Variants in DGAT1 observed in about 807,000 individuals in gnomAD.
The protein encoded by DGAT1 is diacylglycerol O-acyltransferase 1, also known as ACAT related gene product 1.
A neutral mutation model predicts 72.6 loss-of-function variants in DGAT1; 60 were observed. The observed-to-expected ratio is 0.83, with a 90% CI of 0.67 to 1.02. The LOEUF (loss-of-function observed/expected upper bound fraction) is 1.02, where lower values mean the gene tolerates loss of function less well. Among genes scored for constraint, DGAT1 ranks in the 50% least tolerant of loss-of-function variants. The probability of loss-of-function intolerance (pLI) is 0.00; values close to 1 mark genes in which losing one functional copy is unlikely to be tolerated. For missense variants in DGAT1, 592 were observed against 670.0 expected (o/e 0.88, Z 1.29); for synonymous variants, 290 against 267.5 (o/e 1.08, Z -0.82).
At chr8:144,321,959 A>G (rs1817472573) in intron 1 of DGAT1, among the ~76,000 whole-genome samples, 1 of 152,244 alleles carries the variant, frequency 6.6e-6, no homozygotes, top group African/African-American at 2.4e-5. Flanking sequence ...CCAGCCTGAC[A>G]TGCACTTTCC....
Position 144,318,337 on chromosome 8 carries a change from C to T in DGAT1, c.600G>A (p.Ala200=), listed in dbSNP as rs574168177. The change falls in exon 7 of 17, where the codon GCG becomes GCA. Residue 200 remains alanine (A), a synonymous_variant. Transcript: ENST00000528718. ...AGAGCTTGAGGAAGAGGATGGTGTGCGCCATCAGCGCCAGCAGGGAGCCCA... is the reference window on the plus strand; with the variant it reads ...AGAGCTTGAGGAAGAGGATGGTGTGTGCCATCAGCGCCAGCAGGGAGCCCA... ...TPVGSLLALM[A]HTILFLKLFS... 7.4e-5 allele frequency: 120 copies of T among 1,611,582 alleles called. No homozygotes were observed. Among genetic ancestry groups the T allele is most frequent in the South Asian group, 3.4e-4 (31 of 90,892 alleles).
chr8:144,318,346 C>T lies in DGAT1; in HGVS notation c.591G>A (p.Ala197=), dbSNP rs782293198. The T allele has an allele frequency of 6.2e-6, 10 of 1,611,470 alleles. No homozygotes were observed. The highest frequency in any genetic ancestry group is 1.7e-4 in the Middle Eastern group (1 of 6,056). The change falls in exon 7 of 17, where the codon GCG becomes GCA. Residue 197 remains alanine, a synonymous_variant. Transcript: ENST00000528718. ...GGAAGAGGATGGTGTGCGCCATCAG[C>T]GCCAGCAGGGAGCCCACTGCAGGAG... ...ESITPVGSLL[A]LMAHTILFLK...
At chr8:144,318,217 C>G (rs534296486) in intron 7 of DGAT1, 44 bp downstream of exon 7, 2 of 1,609,142 alleles carry the variant, frequency 1.2e-6, no homozygotes, top group African/African-American at 2.7e-5. Context: ...CCTGCTGCTG[C>G]CCAGCCCCCC....
chr8:144,325,916 C>G (rs564004658), intron 1 of DGAT1, among the ~76,000 whole-genome samples: 1 of 152,318 alleles, frequency 6.6e-6, no homozygotes, highest in South Asian at 2.1e-4. Context: ...AAGAACGCCT[C>G]TAACACTGCC....
In DGAT1 at chr8:144,315,692, G is replaced by A; in HGVS notation, c.*862C>T. On this transcript the variant is annotated 3_prime_UTR_variant, in exon 17 of 17. Coordinates refer to ENST00000528718, the MANE Select transcript of DGAT1 (RefSeq NM_012079.6). ...CTGCGCTGTCTGCACTGCCCAGCCTGGTGCCAGAAGAGCAGAGGGCAAGGC... is the reference window on the plus strand; with the variant it reads ...CTGCGCTGTCTGCACTGCCCAGCCTAGTGCCAGAAGAGCAGAGGGCAAGGC... The A allele has an allele frequency of 1.1e-6, 1 of 945,136 alleles. No individual in the cohort carries two copies. Among genetic ancestry groups the A allele is most frequent in the Non-Finnish European group, 1.3e-6 (1 of 793,158 alleles). The allele number at this position is 945,136 out of a possible 1,614,324, so 58.5% of individuals were successfully genotyped here.
chr8:144,318,267 T>C lies in DGAT1; in HGVS notation c.670A>G (p.Lys224Glu), dbSNP rs782500416. 9 of 1,612,496 alleles carry C rather than the reference T, an allele frequency of 5.6e-6. No homozygotes were observed. Among genetic ancestry groups the C allele is most frequent in the Admixed American group, 5.0e-5 (3 of 59,964 alleles). The change falls in exon 7 of 17, where the codon AAG becomes GAG. Residue 224 changes from lysine (K) to glutamate (E), a missense_variant. Physicochemically the swap from Lys to Glu is moderately conservative, Grantham distance 56 (BLOSUM62 1). Transcript: ENST00000528718. ...VNSWCRRARAKAASAGKKASS... is the reference protein window; with the variant it reads ...VNSWCRRARAEAASAGKKASS... ...GCCCCTGGCAGCCCCTCACCAGCCT[T>C]GGCCCTGGCCCTGCGGCACCATGAG...
rs1554847183 is a variant in DGAT1, at chr8:144,317,042, C to G, written c.1228G>C (p.Ala410Pro). 1 of 1,612,478 alleles carries G rather than the reference C, an allele frequency of 6.2e-7. No individual in the cohort carries two copies. The highest frequency in any genetic ancestry group is 8.5e-7 in the Non-Finnish European group (1 of 1,179,832). Residue 410 changes from alanine (A) to proline (P), a missense_variant, in exon 15 of 17, where the codon GCC becomes CCC. Transcript: ENST00000528718. ...KWMARTGVFL[A>P]SAFFHEYLVS... Reference sequence around the variant, plus strand: ...CTGACCTCGTGGAAGAAGGCCGAGGCCAGGAACACCCCTGTCCTGGCCATC... The same window carrying G: ...CTGACCTCGTGGAAGAAGGCCGAGGGCAGGAACACCCCTGTCCTGGCCATC...
Position 144,316,015 on chromosome 8 carries a change from C to T in DGAT1, c.*539G>A, listed in dbSNP as rs1486733207. 1.1e-5 allele frequency: 10 copies of T among 871,718 alleles called. No individual in the cohort carries two copies. The highest frequency in any genetic ancestry group is 1.4e-5 in the Non-Finnish European group (10 of 724,644). 54.0% of individuals were successfully genotyped at this position (871,718 alleles called of 1,614,324 possible). The stretch of plus-strand genomic sequence containing the variant: ...AGCACGGTGGGTGCAAGTTGACCAT[C>T]CTGCACTGAGGGCCAGAGTGCCGAT... On this transcript the variant is annotated 3_prime_UTR_variant, in exon 17 of 17. Coordinates refer to ENST00000528718, the MANE Select transcript of DGAT1 (RefSeq NM_012079.6).
chr8:144,321,440 T>C, intron 1 of DGAT1, 32 bp from the exon 2 acceptor site: 3 of 1,599,908 alleles, frequency 1.9e-6, no homozygotes, highest in Non-Finnish European at 2.6e-6. Flanking sequence ...ACCCCCTGAG[T>C]GGGCACCAGC....
intron 1 of DGAT1, among the ~76,000 whole-genome samples, chr8:144,326,127 G>T (rs1250546613): frequency 6.6e-6 from 1 of 152,084 alleles, no homozygotes; most frequent in Non-Finnish European, 1.5e-5. Context: ...GTCCAGGGCC[G>T]GGCCCCCACC....
In DGAT1 at chr8:144,318,842, C is replaced by T. The variant is rs781829781; in HGVS notation, c.408G>A (p.Leu136=). The T allele has an allele frequency of 9.9e-6, 16 of 1,612,196 alleles. 1 individual carries two copies. Among genetic ancestry groups the T allele is most frequent in the Middle Eastern group, 3.3e-4 (2 of 6,056 alleles). Residue 136 remains leucine, a synonymous_variant, in exon 4 of 17, where the codon CTG becomes CTA. Coordinates refer to ENST00000528718, the MANE Select transcript of DGAT1 (RefSeq NM_012079.6). ...KDPYSWPAPC[L]VIAANVFAVA... ...CCTCAGAGCCCAGCTCACCAATAAC[C>T]AGGCATGGGGCGGGCCAGCTATAGG... is the stretch of plus-strand genomic sequence containing the variant.
At chr8:144,317,287 C>T in intron 13 of DGAT1, 35 bp from the exon 14 acceptor site, 1 of 1,613,102 alleles carries the variant, frequency 6.2e-7, no homozygotes, top group Non-Finnish European at 8.5e-7. Flanking sequence ...GATCAGAGCA[C>T]ACCATGGCCC....
chr8:144,315,190 T>C lies in DGAT1; in HGVS notation c.*1364A>G, dbSNP rs1817157970. ...GCAACAGTTTGTTCTCGAGCTCCAC[T>C]GGCCAACTGATAGGGAGAGGCACAG... is the stretch of plus-strand genomic sequence containing the variant. On this transcript the variant is annotated 3_prime_UTR_variant, in exon 17 of 17. Transcript: ENST00000528718. The C allele has an allele frequency of 1.0e-6, 1 of 985,484 alleles. No homozygotes were observed. Among genetic ancestry groups the C allele is most frequent in the African/African-American group, 1.7e-5 (1 of 57,338 alleles). The allele number at this position is 985,484 out of a possible 1,614,324, so 61.0% of individuals were successfully genotyped here.
In DGAT1 at chr8:144,315,714, AG is replaced by A. The variant is rs1433960582; in HGVS notation, c.*839del. On this transcript the variant is annotated 3_prime_UTR_variant, in exon 17 of 17. Coordinates refer to ENST00000528718, the MANE Select transcript of DGAT1 (RefSeq NM_012079.6). ...CCTGGTGCCAGAAGAGCAGAGGGCAAGGCAGGCCTGGGGATCAGGGGTGCCC... is the reference window on the plus strand; with the variant it reads ...CCTGGTGCCAGAAGAGCAGAGGGCAAGCAGGCCTGGGGATCAGGGGTGCCC... 1.2e-4 allele frequency: 109 copies of A among 927,916 alleles called. No individual in the cohort carries two copies. Among genetic ancestry groups the A allele is most frequent in the Non-Finnish European group, 1.4e-4 (108 of 777,506 alleles). 57.5% of individuals were successfully genotyped at this position (927,916 alleles called of 1,614,324 possible).
intron 2 of DGAT1, among the ~76,000 whole-genome samples, chr8:144,320,821 G>A (rs539435898): frequency 6.6e-6 from 1 of 152,216 alleles, no homozygotes; most frequent in African/African-American, 2.4e-5. Flanking sequence ...GGCCAGGCCT[G>A]CAGGGCTCCA....
At chr8:144,321,937 G>A (rs1481913082) in intron 1 of DGAT1, among the ~76,000 whole-genome samples, 2 of 152,236 alleles carry the variant, frequency 1.3e-5, no homozygotes, top group African/African-American at 2.4e-5. Context: ...CAGGCCAGGC[G>A]CCAGCCACAC....
Position 144,315,504 on chromosome 8 carries a change from G to A in DGAT1, c.*1050C>T. 1.0e-6 allele frequency: 1 copy of A among 985,608 alleles called. No individual in the cohort carries two copies. Among genetic ancestry groups the A allele is most frequent in the Non-Finnish European group, 1.2e-6 (1 of 830,078 alleles). The allele number at this position is 985,608 out of a possible 1,614,324, so 61.1% of individuals were successfully genotyped here. ...GCAGGTCTGGGGACACCAGGGCCTGGTCCAGTCTTGGGGTCTTTAATCAAG... is the reference window on the plus strand; with the variant it reads ...GCAGGTCTGGGGACACCAGGGCCTGATCCAGTCTTGGGGTCTTTAATCAAG... On this transcript the variant is annotated 3_prime_UTR_variant, in exon 17 of 17. Coordinates refer to ENST00000528718, the MANE Select transcript of DGAT1 (RefSeq NM_012079.6).
intron 12 of DGAT1, 31 bp downstream of exon 12, chr8:144,317,513 T>G: frequency 6.2e-7 from 1 of 1,613,780 alleles, no homozygotes. Context: ...TCCCCTCCTG[T>G]CCTGTGCATG....
At chr8:144,323,252 G>A (rs573854227) in intron 1 of DGAT1, among the ~76,000 whole-genome samples, 2 of 152,242 alleles carry the variant, frequency 1.3e-5, no homozygotes, top group African/African-American at 2.4e-5. Flanking sequence ...AACAGGAGTC[G>A]GGAAAGGGTG....
Sources: gnomAD v4.1 joint callset for allele counts (sites outside exome capture counted in the v4.1 genomes callset) on GRCh38, gnomAD v4.1.1 for gene constraint, MANE v1.5 for transcripts, NCBI Gene and HGNC (gene_info 2026-07-23, HGNC 2026-07-21) for gene names.